Variants in ZNF470 observed in about 807,000 individuals in gnomAD.
ZNF470 encodes chondrogenesis zinc finger protein 1.
ZNF470 carries 13 observed loss-of-function variants against 13.9 expected under a neutral mutation model. The ratio of observed to expected loss-of-function variants is 0.94; its 90% CI spans 0.61 to 1.49. ZNF470 has a LOEUF of 1.49. Among genes scored for constraint, ZNF470 ranks in the 40% most tolerant of loss-of-function variants. The pLI, the probability that ZNF470 is intolerant of heterozygous loss-of-function variation, is 0.00. For missense variants in ZNF470, 929 were observed against 857.3 expected (o/e 1.08, Z -1.04); for synonymous variants, 293 against 282.9 (o/e 1.04, Z -0.36).
At chr19:56,568,943 T>C (rs2044431130) in intron 2 of ZNF470, 60 bp downstream of exon 2, 1 of 152,178 alleles carries the variant, frequency 6.6e-6, no homozygotes, top group African/African-American at 2.4e-5. Context: ...GTTAAATAAC[T>C]AAATAGTTCA....
At position 56,578,452 on chromosome 19, in the gene ZNF470, A is replaced by G; in HGVS notation, c.2023A>G (p.Arg675Gly). ...TLHKRIHTGE[R>G]PYECKECGKA... Reference sequence around the variant, plus strand: ...ACATAAGAGAATTCATACTGGAGAAAGGCCCTATGAGTGTAAAGAATGTGG... The same window carrying G: ...ACATAAGAGAATTCATACTGGAGAAGGGCCCTATGAGTGTAAAGAATGTGG... Residue 675 changes from arginine (R) to glycine (G), a missense_variant, in exon 6 of 6, where the codon AGG (arginine) becomes GGG (glycine). Coordinates refer to ENST00000330619, the MANE Select transcript of ZNF470 (RefSeq NM_001001668.4). 6.2e-7 allele frequency: 1 copy of G among 1,612,774 alleles called. No homozygotes were observed. The highest frequency in any genetic ancestry group is 8.5e-7 in the Non-Finnish European group (1 of 1,179,372).
Position 56,577,974 on chromosome 19 carries a change from C to T in ZNF470, c.1545C>T (p.Ser515=). ...GEKPYECKEC[S]KTFSQNAHLA... The stretch of plus-strand genomic sequence containing the variant: ...AACCTTATGAATGTAAGGAATGCAG[C>T]AAAACCTTCAGCCAGAATGCACACC... The change falls in exon 6 of 6, where the codon AGC becomes AGT. Residue 515 remains serine, a synonymous_variant. Coordinates refer to ENST00000330619, the MANE Select transcript of ZNF470 (RefSeq NM_001001668.4). 1 of 1,613,132 alleles carries T rather than the reference C, an allele frequency of 6.2e-7. No individual in the cohort carries two copies. Among genetic ancestry groups the T allele is most frequent in the East Asian group, 2.2e-5 (1 of 44,866 alleles).
At chr19:56,572,694 T>C (rs2044464047) in intron 3 of ZNF470, among the ~76,000 whole-genome samples, 1 of 151,760 alleles carries the variant, frequency 6.6e-6, no homozygotes. Context: ...AGCCTTCTAG[T>C]TGATAATCAA....
intron 3 of ZNF470, among the ~76,000 whole-genome samples, chr19:56,571,217 A>G (rs553520607): frequency 6.6e-6 from 1 of 152,340 alleles, no homozygotes; most frequent in South Asian, 2.1e-4. Flanking sequence ...TCTTCTTTCT[A>G]GGTTGAATAC....
intron 3 of ZNF470, among the ~76,000 whole-genome samples, chr19:56,571,608 T>G (rs2044452325): frequency 6.6e-6 from 1 of 151,682 alleles, no homozygotes; most frequent in Non-Finnish European, 1.5e-5. Flanking sequence ...TCTTTTTGTT[T>G]TTTGTCTTTT....
rs770701725 is a variant in ZNF470, at chr19:56,578,327, G to T, written c.1898G>T (p.Arg633Leu). The change falls in exon 6 of 6, where the codon CGT (arginine) becomes CTT (leucine). Residue 633 changes from arginine to leucine, a missense_variant. Coordinates refer to ENST00000330619, the MANE Select transcript of ZNF470 (RefSeq NM_001001668.4). ...GTTTGTGGGAAAGCCTTTAGCCATC[G>T]TAAATCCCTTACTCTGCATCAGAGA... is the stretch of plus-strand genomic sequence containing the variant. ...CNVCGKAFSHRKSLTLHQRIH... is the reference protein window; with the variant it reads ...CNVCGKAFSHLKSLTLHQRIH... 6.2e-7 allele frequency: 1 copy of T among 1,612,654 alleles called. No individual in the cohort carries two copies. The highest frequency in any genetic ancestry group is 8.5e-7 in the Non-Finnish European group (1 of 1,179,352).
Position 56,567,483 on chromosome 19 carries a change from C to G in ZNF470, c.-714C>G. ...GGACACGCCCACTTCCGGAAAGGAC[C>G]CAAAGCCGGGCGAGTGCACGTCCCG... On this transcript the variant is annotated 5_prime_UTR_variant, in exon 1 of 6. Transcript: ENST00000330619. 1.0e-6 allele frequency: 1 copy of G among 985,918 alleles called. No individual in the cohort carries two copies. Among genetic ancestry groups the G allele is most frequent in the Non-Finnish European group, 1.2e-6 (1 of 830,326 alleles). 61.1% of individuals were successfully genotyped at this position (985,918 alleles called of 1,614,324 possible).
At chr19:56,574,819 C>A in intron 5 of ZNF470, 86 bp downstream of exon 5, 1 of 1,183,420 alleles carries the variant, frequency 8.5e-7, no homozygotes, top group Non-Finnish European at 1.2e-6. Context: ...TCTCAAACTC[C>A]CTCCCAAACT....
Position 56,574,933 on chromosome 19 carries a change from A to G in ZNF470, c.283+200A>G, listed in dbSNP as rs992255570. Among the ~76,000 whole-genome samples, 7 of 152,184 alleles carry G rather than the reference A, an allele frequency of 4.6e-5. No individual in the cohort carries two copies. In the East Asian group the frequency reaches 5.8e-4, roughly 13 times the overall value. Reference sequence around the variant, plus strand: ...TGATTTCTTATGCATACCAGGGTCTATTTCTGAGCTCTTGTTTTACTGATG... The same window carrying G: ...TGATTTCTTATGCATACCAGGGTCTGTTTCTGAGCTCTTGTTTTACTGATG... On this transcript the variant is annotated intron_variant, in intron 5 of 5. Transcript: ENST00000330619.
rs1022360540 is a variant in ZNF470, at chr19:56,574,484, G to A, written c.151G>A (p.Val51Met). 4.3e-5 allele frequency: 69 copies of A among 1,613,936 alleles called. No individual in the cohort carries two copies. Among genetic ancestry groups the A allele is most frequent in the Non-Finnish European group, 5.7e-5 (67 of 1,179,818 alleles). ...TGCTCAGAGAAGTTTGTACAAGAAG[G>A]TGATGTTAGAAAACTACAGGAACCT... is the stretch of plus-strand genomic sequence containing the variant. Reference protein sequence around the residue: ...NLAQRSLYKKVMLENYRNLVS... With the variant: ...NLAQRSLYKKMMLENYRNLVS... The change falls in exon 4 of 6, where the codon GTG becomes ATG. Residue 51 changes from valine to methionine, a missense_variant. By Grantham distance (21) the Val-to-Met change is conservative (BLOSUM62 1). Transcript: ENST00000330619.
intron 2 of ZNF470, among the ~76,000 whole-genome samples, chr19:56,569,385 G>C (rs142030226): frequency 1.1e-4 from 16 of 152,278 alleles, no homozygotes; most frequent in Admixed American, 2.6e-4. Context: ...CTCTGGAAAA[G>C]ATGGAATTCT....
chr19:56,569,524 T>A (rs1015673051), intron 2 of ZNF470, among the ~76,000 whole-genome samples: 7 of 152,228 alleles, frequency 4.6e-5, no homozygotes, highest in African/African-American at 1.7e-4. Flanking sequence ...GGTTGGTGAC[T>A]AGGTTATTTA....
At position 56,582,228 on chromosome 19, in the gene ZNF470, A is replaced by G. The variant is rs958298598; in HGVS notation, c.*3645A>G. 8.1e-6 allele frequency: 8 copies of G among 985,262 alleles called. No homozygotes were observed. Among genetic ancestry groups the G allele is most frequent in the Non-Finnish European group, 8.4e-6 (7 of 829,932 alleles). The allele number at this position is 985,262 out of a possible 1,614,324, so 61.0% of individuals were successfully genotyped here. ...TGAATAGAGGTCTAGGGTTCTGGAT[A>G]ATGATAATTTAAGGAGGATGGAGAA... On this transcript the variant is annotated 3_prime_UTR_variant, in exon 6 of 6. Transcript: ENST00000330619.
In ZNF470 at chr19:56,576,946, C is replaced by G. The variant is rs927374825; in HGVS notation, c.517C>G (p.His173Asp). ...AGATACTCTTATTGAAAAAAGAGAT[C>G]ACTCTAACAAATCTGGGACAGTTTT... ...HIDTLIEKRD[H>D]SNKSGTVFHL... Residue 173 changes from histidine (H) to aspartate (D), a missense_variant, in exon 6 of 6, where the codon CAC (histidine) becomes GAC (aspartate). Coordinates refer to ENST00000330619, the MANE Select transcript of ZNF470 (RefSeq NM_001001668.4). 1.3e-6 allele frequency: 2 copies of G among 1,582,666 alleles called. No homozygotes were observed. The highest frequency in any genetic ancestry group is 1.7e-6 in the Non-Finnish European group (2 of 1,169,688).
Position 56,578,407 on chromosome 19 carries a change from C to A in ZNF470, c.1978C>A (p.Gln660Lys). Reference sequence around the variant, plus strand: ...TAAGGAATGTAGCAAAGCCTTCAGCCAGGTTGCCCATCTTACTCTACATAA... The same window carrying A: ...TAAGGAATGTAGCAAAGCCTTCAGCAAGGTTGCCCATCTTACTCTACATAA... ...ECKECSKAFS[Q>K]VAHLTLHKRI... The change falls in exon 6 of 6, where the codon CAG becomes AAG. Residue 660 changes from glutamine to lysine, a missense_variant. By Grantham distance (53) the Gln-to-Lys change is moderately conservative. Coordinates refer to ENST00000330619, the MANE Select transcript of ZNF470 (RefSeq NM_001001668.4). The A allele has an allele frequency of 1.2e-6, 2 of 1,609,870 alleles. No homozygotes were observed. The highest frequency in any genetic ancestry group is 2.2e-5 in the South Asian group (2 of 90,546).
In ZNF470 at chr19:56,580,997, C is replaced by T; in HGVS notation, c.*2414C>T. On this transcript the variant is annotated 3_prime_UTR_variant, in exon 6 of 6. Transcript: ENST00000330619. ...TGAAAAACAGAATAATATATATGTA[C>T]CCTCGGTTTGAAATAGACTTTAAGC... The T allele has an allele frequency of 1.0e-6, 1 of 984,932 alleles. No homozygotes were observed. Among genetic ancestry groups the T allele is most frequent in the East Asian group, 1.1e-4 (1 of 8,804 alleles). 61.0% of individuals were successfully genotyped at this position (984,932 alleles called of 1,614,324 possible). A position where few individuals can be genotyped will look rare whatever the true frequency, so the allele number is the denominator to read the frequency against.
chr19:56,580,308 G>A lies in ZNF470; in HGVS notation c.*1725G>A. The A allele has an allele frequency of 3.3e-6, 1 of 303,454 alleles. No individual in the cohort carries two copies. Among genetic ancestry groups the A allele is most frequent in the Non-Finnish European group, 4.8e-6 (1 of 207,216 alleles). The allele number at this position is 303,454 out of a possible 1,614,324, so 18.8% of individuals were successfully genotyped here. A position where few individuals can be genotyped will look rare whatever the true frequency, so the allele number is the denominator to read the frequency against. On this transcript the variant is annotated 3_prime_UTR_variant, in exon 6 of 6. Coordinates refer to ENST00000330619, the MANE Select transcript of ZNF470 (RefSeq NM_001001668.4). ...TGATGGTTTAACAGAGATCATGGCA[G>A]TTATGTTCACTCATATAAATGTTGA... is the stretch of plus-strand genomic sequence containing the variant.
rs754412825 is a variant in ZNF470 at position 56,578,493 on chromosome 19, G to A, written c.2064G>A (p.Gln688=). 6.2e-7 allele frequency: 1 copy of A among 1,611,166 alleles called. No individual in the cohort carries two copies. Among genetic ancestry groups the A allele is most frequent in the Non-Finnish European group, 8.5e-7 (1 of 1,178,548 alleles). Residue 688 remains glutamine, a synonymous_variant, in exon 6 of 6, where the codon CAG becomes CAA. Coordinates refer to ENST00000330619, the MANE Select transcript of ZNF470 (RefSeq NM_001001668.4). ...ECKECGKAFR[Q]SVHLAHHQRI... is the part of the protein sequence containing the mutation. Reference sequence around the variant, plus strand: ...AAGAATGTGGAAAAGCCTTCAGGCAGAGTGTACATCTTGCTCATCATCAGC... The same window carrying A: ...AAGAATGTGGAAAAGCCTTCAGGCAAAGTGTACATCTTGCTCATCATCAGC...
Position 56,577,532 on chromosome 19 carries a change from A to C in ZNF470, c.1103A>C (p.Tyr368Ser), listed in dbSNP as rs1568495784. 6.2e-7 allele frequency: 1 copy of C among 1,614,034 alleles called. No individual in the cohort carries two copies. Among genetic ancestry groups the C allele is most frequent in the East Asian group, 2.2e-5 (1 of 44,868 alleles). ...AGGATTCACACTGGGAAAAGACCTT[A>C]TGAATGTATTGACTGTGGGAAAGCT... Reference protein sequence around the residue: ...HRRIHTGKRPYECIDCGKAFR... With the variant: ...HRRIHTGKRPSECIDCGKAFR... The change falls in exon 6 of 6, where the codon TAT (tyrosine) becomes TCT (serine). Residue 368 changes from tyrosine to serine, a missense_variant. Transcript: ENST00000330619.
Sources: gnomAD v4.1 joint callset for allele counts (sites outside exome capture counted in the v4.1 genomes callset) on GRCh38, gnomAD v4.1.1 for gene constraint, MANE v1.5 for transcripts, NCBI Gene and HGNC (gene_info 2026-07-23, HGNC 2026-07-21) for gene names.